The following ATP10A variants were observed in gnomAD, a reference collection of about 807,000 sequenced individuals.
The protein encoded by ATP10A is ATPase phospholipid transporting 10A (putative).
A neutral mutation model predicts 147.8 loss-of-function variants in ATP10A; 111 were observed. The ratio of observed to expected loss-of-function variants is 0.75; its 90% CI spans 0.64 to 0.88. The LOEUF (loss-of-function observed/expected upper bound fraction) is 0.88, where lower values mean the gene tolerates loss of function less well. Ranked by LOEUF, ATP10A falls within the 40% of genes least tolerant of loss-of-function variation. The pLI is 0.00. For synonymous variants in ATP10A, 875 were observed against 841.6 expected (o/e 1.04, Z -0.69); for missense variants, 1,927 against 1,959.0 (o/e 0.98, Z 0.31).
intron 2 of ATP10A, among the ~76,000 whole-genome samples, chr15:25,748,006 C>T (rs531919892): frequency 5.3e-5 from 8 of 152,040 alleles, no homozygotes; most frequent in Middle Eastern, 6.8e-3. Flanking sequence ...GCTCTGTCGC[C>T]GAGGCTGGAG....
chr15:25,687,549 G>A (rs541822764), intron 16 of ATP10A, among the ~76,000 whole-genome samples, 154 bp downstream of exon 16: 2 of 151,682 alleles, frequency 1.3e-5, no homozygotes, highest in African/African-American at 2.4e-5. Flanking sequence ...TGCAGAGCCA[G>A]CCCAGGACAG....
intron 3 of ATP10A, among the ~76,000 whole-genome samples, chr15:25,733,944 C>T (rs570649374): frequency 6.6e-6 from 1 of 152,336 alleles, no homozygotes; most frequent in East Asian, 1.9e-4. Context: ...GCCTGGCTGG[C>T]TGGCTGCAGG....
intron 1 of ATP10A, among the ~76,000 whole-genome samples, chr15:25,831,847 C>T (rs1892369575): frequency 6.6e-6 from 1 of 152,200 alleles, no homozygotes; most frequent in Non-Finnish European, 1.5e-5. Flanking sequence ...CAAAAACCCT[C>T]CAGTGCCAGT....
At chr15:25,703,116 G>A (rs1349493208) in intron 12 of ATP10A, among the ~76,000 whole-genome samples, 7 of 152,234 alleles carry the variant, frequency 4.6e-5, no homozygotes, top group South Asian at 2.1e-4. Context: ...CCAGCACTTC[G>A]GGAGGCCGTG....
intron 1 of ATP10A, among the ~76,000 whole-genome samples, chr15:25,834,024 A>G (rs1276404912): frequency 2.0e-5 from 3 of 152,126 alleles, no homozygotes; most frequent in African/African-American, 7.2e-5. Context: ...GCAAGTATAC[A>G]ATACATTGTC....
chr15:25,683,092 G>A (rs1159958850), intron 17 of ATP10A, among the ~76,000 whole-genome samples, 194 bp downstream of exon 17: 2 of 152,004 alleles, frequency 1.3e-5, no homozygotes, highest in African/African-American at 2.4e-5. Context: ...GGACAGTTTC[G>A]CTTACAACAC....
chr15:25,747,609 A>T (rs1887915916), intron 2 of ATP10A, among the ~76,000 whole-genome samples: 1 of 152,174 alleles, frequency 6.6e-6, no homozygotes. Flanking sequence ...TGAACAACTG[A>T]ATGCTAATAA....
chr15:25,752,531 A>G (rs1342335197), intron 2 of ATP10A, among the ~76,000 whole-genome samples: 2 of 152,190 alleles, frequency 1.3e-5, no homozygotes, highest in African/African-American at 4.8e-5. Flanking sequence ...AGGGTACAAC[A>G]TCTCAGGTAG....
chr15:25,805,509 T>C (rs866471875), intron 1 of ATP10A, among the ~76,000 whole-genome samples: 5 of 152,336 alleles, frequency 3.3e-5, no homozygotes, highest in Middle Eastern at 3.4e-3. Context: ...TGGCTACTTA[T>C]ATATTTTGAT....
chr15:25,820,177 C>A (rs1353132640), intron 1 of ATP10A, among the ~76,000 whole-genome samples: 1 of 151,584 alleles, frequency 6.6e-6, no homozygotes, highest in Non-Finnish European at 1.5e-5. Flanking sequence ...AATTTTAAAC[C>A]TTCAATAAAT....
intron 1 of ATP10A, among the ~76,000 whole-genome samples, chr15:25,834,210 A>C (rs1391182445): frequency 6.6e-6 from 1 of 152,242 alleles, no homozygotes; most frequent in Non-Finnish European, 1.5e-5. Flanking sequence ...AAAGGGCATA[A>C]TCAAGGAAGC....
intron 2 of ATP10A, among the ~76,000 whole-genome samples, chr15:25,767,068 T>C (rs1335979620): frequency 6.6e-6 from 1 of 152,160 alleles, no homozygotes; most frequent in African/African-American, 2.4e-5. Flanking sequence ...CAGTCAGATG[T>C]GTGGGCAGCA....
At chr15:25,695,783 AC>A (rs942472615) in intron 13 of ATP10A, among the ~76,000 whole-genome samples, 3 of 152,108 alleles carry the variant, frequency 2.0e-5, no homozygotes, top group African/African-American at 7.2e-5. Context: ...CCCTCCATGT[AC>A]TTCTTGATAG....
At position 25,784,876 on chromosome 15, in the gene ATP10A, C is replaced by T. The variant is rs541725222; in HGVS notation, c.450-3653G>A. On this transcript the variant is annotated intron_variant, in intron 1 of 20. Coordinates refer to ENST00000555815, the MANE Select transcript of ATP10A (RefSeq NM_024490.4). ...GGTGGAGGCTGCAGTGAGCCGAGAT[C>T]GCGCCACTGCACTCCAGCCTGGGTG... Among the ~76,000 whole-genome samples, 56 of 151,076 alleles carry T rather than the reference C, an allele frequency of 3.7e-4. 1 individual carries two copies. The highest frequency in any genetic ancestry group is 1.3e-3 in the African/African-American group (52 of 41,110).
At chr15:25,702,919 T>C (rs755606093) in intron 12 of ATP10A, among the ~76,000 whole-genome samples, 1 of 152,078 alleles carries the variant, frequency 6.6e-6, no homozygotes, top group African/African-American at 2.4e-5. Context: ...TGCTATGGAC[T>C]GAGCGTTTGT....
intron 2 of ATP10A, among the ~76,000 whole-genome samples, chr15:25,770,062 T>C (rs895802759): frequency 1.3e-5 from 2 of 152,008 alleles, no homozygotes; most frequent in Non-Finnish European, 2.9e-5. Context: ...TGTGAGAAAA[T>C]AAATTTCTGC....
intron 1 of ATP10A, chr15:25,848,942 G>C (rs1164635855): frequency 6.5e-6 from 1 of 152,928 alleles, no homozygotes; most frequent in African/African-American, 2.4e-5. Context: ...ATTGAAAAGA[G>C]GATTTGTTAC....
At chr15:25,723,168 G>A (rs1309902906) in intron 6 of ATP10A, among the ~76,000 whole-genome samples, 1 of 151,994 alleles carries the variant, frequency 6.6e-6, no homozygotes, top group South Asian at 2.1e-4. Context: ...GGCCAACATG[G>A]TGAAACCCCA....
Position 25,714,069 on chromosome 15 carries a change from A to G in ATP10A, c.1949T>C (p.Met650Thr). The G allele has an allele frequency of 6.2e-7, 1 of 1,613,102 alleles. No individual in the cohort carries two copies. Among genetic ancestry groups the G allele is most frequent in the Non-Finnish European group, 8.5e-7 (1 of 1,180,018 alleles). ...CAGCCTCTCCTCCAGCCTGAGAAGC[A>G]TGCCGTCGCTGGACGGGGTGGACGG... Reference protein sequence around the residue: ...SFPSTPSSDGMLLRLEERLGQ... With the variant: ...SFPSTPSSDGTLLRLEERLGQ... Residue 650 changes from methionine (M) to threonine (T), a missense_variant, in exon 10 of 21, where the codon ATG (methionine) becomes ACG (threonine). Transcript: ENST00000555815.
Sources: gnomAD v4.1 joint callset for allele counts (sites outside exome capture counted in the v4.1 genomes callset) on GRCh38, gnomAD v4.1.1 for gene constraint, MANE v1.5 for transcripts, NCBI Gene and HGNC (gene_info 2026-07-23, HGNC 2026-07-21) for gene names.